The following ST8SIA6 variants were observed in gnomAD, a reference collection of about 807,000 sequenced individuals.
ST8SIA6 encodes alpha-2,8-sialyltransferase 8F.
Under a neutral mutation model 33.6 loss-of-function variants are expected in ST8SIA6, and 39 were observed. That is an observed-to-expected ratio of 1.16 (90% CI 0.90 to 1.52). ST8SIA6 has a LOEUF of 1.52. ST8SIA6 is among the 40% of genes most tolerant of loss of function. The pLI is 0.00. For missense variants in ST8SIA6, 441 were observed against 443.8 expected (o/e 0.99, Z 0.06); for synonymous variants, 172 against 167.2 (o/e 1.03, Z -0.22).
At chr10:17,324,708 T>TACACACACAC (rs6143806) in intron 6 of ST8SIA6, among the ~76,000 whole-genome samples, 1,835 of 140,012 alleles carry the variant, frequency 0.013, 20 homozygotes, top group Non-Finnish European at 0.021. Flanking sequence ...ATATAGAGTA[T>TACACACACAC]ACACACACAC....
intron 5 of ST8SIA6, among the ~76,000 whole-genome samples, chr10:17,327,872 C>A (rs1022399483): frequency 6.7e-6 from 1 of 149,996 alleles, no homozygotes; most frequent in Admixed American, 6.7e-5. Flanking sequence ...GCACCACTGC[C>A]CTCCAGCCTG....
chr10:17,343,581 CA>C (rs1848741372), intron 4 of ST8SIA6, among the ~76,000 whole-genome samples: 1 of 151,898 alleles, frequency 6.6e-6, no homozygotes, highest in Non-Finnish European at 1.5e-5. Context: ...TTGCACAAAA[CA>C]GAGGAGGAAA....
intron 2 of ST8SIA6, among the ~76,000 whole-genome samples, chr10:17,414,182 G>A (rs967376223): frequency 6.6e-6 from 1 of 152,082 alleles, no homozygotes; most frequent in African/African-American, 2.4e-5. Context: ...GCCATTTGGG[G>A]CTACCCCCAA....
rs779224263 is a variant in ST8SIA6 at position 17,321,189 on chromosome 10, C to A, written c.886G>T (p.Val296Phe). The change falls in exon 8 of 8, where the codon GTT (valine) becomes TTT (phenylalanine). Residue 296 changes from valine (V) to phenylalanine (F), a missense_variant. Physicochemically the swap from Val to Phe is conservative, Grantham distance 50. Coordinates refer to ENST00000377602, the MANE Select transcript of ST8SIA6 (RefSeq NM_001004470.3). Reference protein sequence around the residue: ...TLEESKARQKVLFFHPKYLKD... With the variant: ...TLEESKARQKFLFFHPKYLKD... ...AGGTACTTGGGATGGAAAAATAGAA[C>A]CTTTTGTCTTGCTTTAGACTCTTCG... 6 of 1,614,050 alleles carry A rather than the reference C, an allele frequency of 3.7e-6. No homozygotes were observed. The East Asian group carries it at 6.7e-5, about 18-fold the overall frequency.
Position 17,321,106 on chromosome 10 carries a change from G to A in ST8SIA6, c.969C>T (p.Thr323=), listed in dbSNP as rs368246267. The A allele has an allele frequency of 2.0e-5, 32 of 1,613,960 alleles. No individual in the cohort carries two copies. Among genetic ancestry groups the A allele is most frequent in the African/African-American group, 1.6e-4 (12 of 74,892 alleles). Reference sequence around the variant, plus strand: ...CTGCAACACTTGTGATCATCAAGCCGGTGGACAAGCGGTATGCAGTCACAC... The same window carrying A: ...CTGCAACACTTGTGATCATCAAGCCAGTGGACAAGCGGTATGCAGTCACAC... The part of the protein sequence containing the change: ...TKGVTAYRLS[T]GLMITSVAVE... Residue 323 remains threonine (T), a synonymous_variant, in exon 8 of 8, where the codon ACC becomes ACT. Transcript: ENST00000377602.
intron 6 of ST8SIA6, 129 bp from the exon 7 acceptor site, chr10:17,323,286 A>G (rs1039257810): frequency 2.6e-5 from 13 of 508,394 alleles, no homozygotes; most frequent in Non-Finnish European, 4.0e-5. Flanking sequence ...TGGAGAAATC[A>G]TTGCTATTGA....
At chr10:17,413,292 T>C (rs553086388) in intron 2 of ST8SIA6, 28 of 152,146 alleles carry the variant, frequency 1.8e-4, no homozygotes, top group African/African-American at 5.8e-4. Flanking sequence ...TGCTTAACTT[T>C]CTATTTCTTT....
chr10:17,341,900 C>CAAAAAAAAAA (rs71393004), intron 4 of ST8SIA6, among the ~76,000 whole-genome samples: 5 of 73,152 alleles, frequency 6.8e-5, no homozygotes, highest in Non-Finnish European at 9.5e-5. Flanking sequence ...GGCTCCATCT[C>CAAAAAAAAAA]AAAAAAAAAA....
intron 3 of ST8SIA6, among the ~76,000 whole-genome samples, chr10:17,368,037 T>G (rs986461292): frequency 9.2e-5 from 14 of 152,148 alleles, no homozygotes; most frequent in East Asian, 3.9e-4. Context: ...AAAAAATATT[T>G]ATTGCGCATT....
At chr10:17,428,890 G>T (rs938290996) in intron 2 of ST8SIA6, among the ~76,000 whole-genome samples, 1 of 152,182 alleles carries the variant, frequency 6.6e-6, no homozygotes, top group Non-Finnish European at 1.5e-5. Flanking sequence ...AGAACAGTAG[G>T]TGGGGCAGAA....
chr10:17,428,367 T>C (rs1035086115), intron 2 of ST8SIA6, among the ~76,000 whole-genome samples: 5 of 152,144 alleles, frequency 3.3e-5, no homozygotes, highest in African/African-American at 1.2e-4. Context: ...ATTCATTCAC[T>C]GATGTAGCAA....
At chr10:17,384,441 A>G (rs1850264726) in intron 3 of ST8SIA6, among the ~76,000 whole-genome samples, 1 of 152,252 alleles carries the variant, frequency 6.6e-6, no homozygotes, top group Non-Finnish European at 1.5e-5. Flanking sequence ...GGCCAAGTAT[A>G]ATAAGCAAAC....
intron 5 of ST8SIA6, among the ~76,000 whole-genome samples, 188 bp from the exon 6 acceptor site, chr10:17,327,314 C>T (rs531890784): frequency 7.2e-5 from 11 of 152,292 alleles, no homozygotes; most frequent in African/African-American, 2.6e-4. Flanking sequence ...GGGCTGGGCG[C>T]AGTGGCTCAC....
At chr10:17,393,539 A>G (rs1850696202) in intron 2 of ST8SIA6, among the ~76,000 whole-genome samples, 1 of 152,276 alleles carries the variant, frequency 6.6e-6, no homozygotes, top group African/African-American at 2.4e-5. Context: ...AGCTGGTCAC[A>G]TGCCCCACCT....
chr10:17,360,728 A>G (rs1322848164), intron 3 of ST8SIA6, among the ~76,000 whole-genome samples: 2 of 152,094 alleles, frequency 1.3e-5, no homozygotes, highest in African/African-American at 4.8e-5. Flanking sequence ...AAAATAATCC[A>G]AAGGCAGGCA....
intron 2 of ST8SIA6, among the ~76,000 whole-genome samples, chr10:17,392,124 T>C (rs751085435): frequency 1.3e-5 from 2 of 152,194 alleles, no homozygotes; most frequent in Non-Finnish European, 2.9e-5. Context: ...ATAGACATGG[T>C]CTTATTCCCT....
intron 2 of ST8SIA6, among the ~76,000 whole-genome samples, chr10:17,447,307 G>C (rs554878956): frequency 6.6e-6 from 1 of 152,158 alleles, no homozygotes; most frequent in South Asian, 2.1e-4. Flanking sequence ...TGAGGAGGCG[G>C]AGGCAGGAGA....
At chr10:17,393,136 G>A (rs1003143125) in intron 2 of ST8SIA6, among the ~76,000 whole-genome samples, 1 of 152,058 alleles carries the variant, frequency 6.6e-6, no homozygotes, top group African/African-American at 2.4e-5. Flanking sequence ...CTTGGACATC[G>A]GTGCTCCTGG....
At chr10:17,453,683 G>T (rs1853006710) in intron 1 of ST8SIA6, 26 bp from the exon 2 acceptor site, 2 of 1,285,452 alleles carry the variant, frequency 1.6e-6, no homozygotes, top group East Asian at 5.8e-5. Flanking sequence ...GAAAACTTAA[G>T]TTGCTACACC....
Sources: gnomAD v4.1 joint callset for allele counts (sites outside exome capture counted in the v4.1 genomes callset) on GRCh38, gnomAD v4.1.1 for gene constraint, MANE v1.5 for transcripts, NCBI Gene and HGNC (gene_info 2026-07-23, HGNC 2026-07-21) for gene names.